MIX23: variants seen among roughly 807,000 people sequenced by gnomAD.
MIX23 encodes protein MIX23.
A neutral mutation model predicts 21.6 loss-of-function variants in MIX23; 13 were observed. The observed-to-expected ratio is 0.60, with a 90% CI of 0.39 to 0.96. MIX23 has a LOEUF of 0.96. MIX23 is among the 40% of genes least tolerant of loss of function. The pLI is 0.00. For missense variants in MIX23, 144 were observed against 171.2 expected (o/e 0.84, Z 0.89); for synonymous variants, 59 against 58.0 (o/e 1.02, Z -0.08).
chr3:122,368,074 A>G (rs2075410214), intron 3 of MIX23, 102 bp downstream of exon 3: 1 of 963,430 alleles, frequency 1.0e-6, no homozygotes, highest in Non-Finnish European at 1.6e-6. Flanking sequence ...TTTTTTAAGT[A>G]ACTGCCATAT....
At chr3:122,373,276 GT>G (rs11328387) in intron 1 of MIX23, among the ~76,000 whole-genome samples, 18,616 of 145,044 alleles carry the variant, frequency 0.13, 1,263 homozygotes, top group East Asian at 0.32. Context: ...TGTCTTGAAA[GT>G]TTTTTTTTTT....
At chr3:122,368,720 T>TTGTC (rs1394416970) in intron 2 of MIX23, among the ~76,000 whole-genome samples, 1 of 152,244 alleles carries the variant, frequency 6.6e-6, no homozygotes, top group Non-Finnish European at 1.5e-5. Context: ...AAACGGCTAT[T>TTGTC]CTTCCTCTCT....
In MIX23 at chr3:122,359,664, TAGC is replaced by T. The variant is rs766982775; in HGVS notation, c.*202_*204del. 2.9e-6 allele frequency: 1 copy of T among 343,774 alleles called. No homozygotes were observed. The highest frequency in any genetic ancestry group is 1.5e-4 in the South Asian group (1 of 6,740). 21.3% of individuals were successfully genotyped at this position (343,774 alleles called of 1,614,324 possible). A position where few individuals can be genotyped will look rare whatever the true frequency, so the allele number is the denominator to read the frequency against. On this transcript the variant is annotated 3_prime_UTR_variant, in exon 5 of 5. Transcript: ENST00000291458. ...TTTTTTTTACAGAATCAGTATAAAA[TAGC>T]AGTTGATTTCTCCATAATTATCAGA... is the stretch of plus-strand genomic sequence containing the variant.
intron 3 of MIX23, 130 bp downstream of exon 3, chr3:122,368,046 C>G: frequency 1.4e-6 from 1 of 732,238 alleles, no homozygotes; most frequent in Non-Finnish European, 2.3e-6. Context: ...AAAAATGAAG[C>G]ACTAATCTCT....
rs1259649391 is a variant in MIX23, at chr3:122,359,928, T to C, written c.385-9A>G. ...CAGCGTTCATTAAACACCTAAAATATTGAAACAGAAACAAAAGTCATTGAG... is the reference window on the plus strand; with the variant it reads ...CAGCGTTCATTAAACACCTAAAATACTGAAACAGAAACAAAAGTCATTGAG... On this transcript the variant is annotated splice_polypyrimidine_tract_variant and intron_variant, in intron 4 of 4. Transcript: ENST00000291458. The C allele has an allele frequency of 3.2e-6, 5 of 1,582,628 alleles. No individual in the cohort carries two copies. The highest frequency in any genetic ancestry group is 1.8e-5 in the Admixed American group (1 of 54,244).
chr3:122,376,648 T>A (rs560858119), intron 1 of MIX23, among the ~76,000 whole-genome samples: 3 of 152,072 alleles, frequency 2.0e-5, no homozygotes, highest in Non-Finnish European at 2.9e-5. Context: ...AGAAAAATTA[T>A]GAAATCATGT....
intron 1 of MIX23, 35 bp downstream of exon 1, chr3:122,383,138 AG>A: frequency 6.2e-7 from 1 of 1,612,888 alleles, no homozygotes; most frequent in Middle Eastern, 1.7e-4. Context: ...GGACAAAAGG[AG>A]GCACATGCCT....
intron 3 of MIX23, among the ~76,000 whole-genome samples, chr3:122,363,899 G>A (rs1174512642): frequency 6.6e-6 from 1 of 152,196 alleles, no homozygotes; most frequent in African/African-American, 2.4e-5. Context: ...AAGCTGGCTA[G>A]TTCCAGGCAG....
At position 122,366,157 on chromosome 3, in the gene MIX23, G is replaced by A. The variant is rs189096500; in HGVS notation, c.324+2019C>T. Among the ~76,000 whole-genome samples, 87 of 151,630 alleles carry A rather than the reference G, an allele frequency of 5.7e-4. No homozygotes were observed. The South Asian group carries it at 0.017, about 30-fold the overall frequency. The stretch of plus-strand genomic sequence containing the variant: ...TGCACCACTGCACTCCAGCCCAGGC[G>A]ATAGTGCGAGACTCCATCTCAAAAA... On this transcript the variant is annotated intron_variant, in intron 3 of 4. Transcript: ENST00000291458.
intron 1 of MIX23, among the ~76,000 whole-genome samples, chr3:122,380,683 A>T (rs2075524399): frequency 6.6e-6 from 1 of 152,218 alleles, no homozygotes; most frequent in Non-Finnish European, 1.5e-5. Flanking sequence ...CATGTTAAGA[A>T]GTTTATATCT....
chr3:122,365,537 C>CTA (rs879841939), intron 3 of MIX23: 2 of 152,214 alleles, frequency 1.3e-5, no homozygotes, highest in Admixed American at 1.3e-4. Context: ...ACCCCCAACC[C>CTA]TATATGTTAT....
At chr3:122,379,282 T>C (rs1251819614) in intron 1 of MIX23, among the ~76,000 whole-genome samples, 1 of 152,154 alleles carries the variant, frequency 6.6e-6, no homozygotes, top group Non-Finnish European at 1.5e-5. Context: ...TTGAGAACAG[T>C]GAATGTTCTG....
intron 1 of MIX23, 60 bp from the exon 2 acceptor site, chr3:122,371,860 G>A: frequency 7.2e-7 from 1 of 1,393,802 alleles, no homozygotes; most frequent in Non-Finnish European, 9.9e-7. Flanking sequence ...CAAAAAATAA[G>A]CATTTAAGTA....
intron 4 of MIX23, among the ~76,000 whole-genome samples, chr3:122,362,277 T>C (rs1051040242): frequency 3.9e-5 from 6 of 152,174 alleles, no homozygotes; most frequent in African/African-American, 7.2e-5. Context: ...GGTTACCTAA[T>C]GATAGGAAAA....
Position 122,368,270 on chromosome 3 carries a change from T to C in MIX23, c.230A>G (p.Gln77Arg). The change falls in exon 3 of 5, where the codon CAG (glutamine) becomes CGG (arginine). Residue 77 changes from glutamine (Q) to arginine (R), a missense_variant. Physicochemically the swap from Gln to Arg is conservative, Grantham distance 43. Transcript: ENST00000291458. ...RDRVIKNCIA[Q>R]TSAVVKNLRE... is the part of the protein sequence containing the mutation. ...GAGGTTTTTTACTACTGCTGAAGTCTGGGCTATACAGTTTTTTATGACTCT... is the reference window on the plus strand; with the variant it reads ...GAGGTTTTTTACTACTGCTGAAGTCCGGGCTATACAGTTTTTTATGACTCT... The C allele has an allele frequency of 6.2e-7, 1 of 1,610,032 alleles. No individual in the cohort carries two copies. Among genetic ancestry groups the C allele is most frequent in the East Asian group, 2.2e-5 (1 of 44,848 alleles).
chr3:122,361,094 C>T (rs2075355122), intron 4 of MIX23, among the ~76,000 whole-genome samples: 1 of 152,184 alleles, frequency 6.6e-6, no homozygotes, highest in Non-Finnish European at 1.5e-5. Context: ...ACCCACTCAC[C>T]TCGGCCTCCC....
chr3:122,361,108 G>A (rs1430597576), intron 4 of MIX23, among the ~76,000 whole-genome samples: 5 of 152,190 alleles, frequency 3.3e-5, no homozygotes, highest in Admixed American at 6.5e-5. Flanking sequence ...GCCTCCCAAA[G>A]TGCTGGGATT....
At chr3:122,364,528 C>T (rs891418926) in intron 3 of MIX23, among the ~76,000 whole-genome samples, 6 of 152,162 alleles carry the variant, frequency 3.9e-5, no homozygotes, top group African/African-American at 1.4e-4. Flanking sequence ...CAGAATTATC[C>T]TGGGTAACTC....
At position 122,359,810 on chromosome 3, in the gene MIX23, T is replaced by C. The variant is rs2075343456; in HGVS notation, c.*59A>G. 6 of 1,452,950 alleles carry C rather than the reference T, an allele frequency of 4.1e-6. No homozygotes were observed. The highest frequency in any genetic ancestry group is 5.4e-6 in the Non-Finnish European group (6 of 1,108,098). 90.0% of individuals were successfully genotyped at this position (1,452,950 alleles called of 1,614,324 possible). On this transcript the variant is annotated 3_prime_UTR_variant, in exon 5 of 5. Coordinates refer to ENST00000291458, the MANE Select transcript of MIX23 (RefSeq NM_001017928.4). ...TGTTGATATCTGTCATGCTTAGCTC[T>C]TATGAGATGACCCAGTCCTTAAAAA...
Sources: allele counts gnomAD v4.1 joint callset (sites outside exome capture counted in the v4.1 genomes callset), GRCh38; gene constraint gnomAD v4.1.1; transcripts MANE v1.5; gene names NCBI Gene and HGNC (gene_info 2026-07-23, HGNC 2026-07-21).